GREB1L: variants seen among roughly 807,000 people sequenced by gnomAD.
GREB1L encodes GREB1-like protein.
GREB1L carries 17 observed loss-of-function variants against 200.8 expected under a neutral mutation model. The ratio of observed to expected loss-of-function variants is 0.08; its 90% CI spans 0.06 to 0.13. The LOEUF (loss-of-function observed/expected upper bound fraction) is 0.13, where lower values mean the gene tolerates loss of function less well. Ranked by LOEUF, GREB1L falls within the 10% of genes least tolerant of loss-of-function variation. The pLI, the probability that GREB1L is intolerant of heterozygous loss-of-function variation, is 1.00. For synonymous variants in GREB1L, 789 were observed against 893.0 expected, an observed-to-expected ratio of 0.88 and a Z score of 2.08; for missense variants, 1,657 against 2,367.7, an observed-to-expected ratio of 0.70 and a Z score of 6.23.
At chr18:21,280,386 T>C (rs117413174) in intron 1 of GREB1L, among the ~76,000 whole-genome samples, 99 of 151,958 alleles carry the variant, frequency 6.5e-4, no homozygotes, top group Non-Finnish European at 1.2e-3. Context: ...ATATCTCCTT[T>C]CTTTCTTTTT....
intron 17 of GREB1L, among the ~76,000 whole-genome samples, chr18:21,478,667 T>C (rs905571251): frequency 6.6e-6 from 1 of 152,178 alleles, no homozygotes; most frequent in African/African-American, 2.4e-5. Flanking sequence ...GTTCTATCAC[T>C]AGAGATTACT....
intron 1 of GREB1L, among the ~76,000 whole-genome samples, chr18:21,244,931 A>G (rs1188449874): frequency 6.6e-6 from 1 of 152,192 alleles, no homozygotes; most frequent in African/African-American, 2.4e-5. Flanking sequence ...CTTGAAAGAG[A>G]CTTGACATAA....
intron 1 of GREB1L, among the ~76,000 whole-genome samples, chr18:21,346,791 C>A (rs1466844976): frequency 1.3e-5 from 2 of 152,198 alleles, no homozygotes; most frequent in Non-Finnish European, 2.9e-5. Flanking sequence ...CGTGCTTCTG[C>A]CATCAATGTG....
intron 23 of GREB1L, 90 bp from the exon 24 acceptor site, chr18:21,505,313 CACCCATCTG>C: frequency 9.1e-7 from 1 of 1,102,200 alleles, no homozygotes; most frequent in South Asian, 1.5e-5. Flanking sequence ...TGCCTTTGTC[CACCCATCTG>C]GGCTCTACGT....
chr18:21,477,725 G>A (rs1478076336), intron 17 of GREB1L, among the ~76,000 whole-genome samples: 1 of 151,754 alleles, frequency 6.6e-6, no homozygotes, highest in African/African-American at 2.4e-5. Flanking sequence ...GGCGGAGGTT[G>A]CAGTGAGCGG....
intron 1 of GREB1L, among the ~76,000 whole-genome samples, chr18:21,244,144 T>C (rs1352956360): frequency 2.6e-5 from 4 of 152,186 alleles, no homozygotes; most frequent in Non-Finnish European, 5.9e-5. Context: ...CTAAAAATCT[T>C]AGAACAGTAT....
intron 7 of GREB1L, among the ~76,000 whole-genome samples, chr18:21,414,229 C>A (rs890159610): frequency 6.6e-6 from 1 of 152,116 alleles, no homozygotes; most frequent in East Asian, 1.9e-4. Context: ...ATGAACCGTG[C>A]AGCCACCTAG....
chr18:21,279,158 T>C (rs1276903514), intron 1 of GREB1L, among the ~76,000 whole-genome samples: 4 of 152,120 alleles, frequency 2.6e-5, no homozygotes, highest in Non-Finnish European at 4.4e-5. Context: ...TTTTAGAAAA[T>C]TTGAGAAATA....
rs887496608 is a variant in GREB1L at position 21,525,040 on chromosome 18, A to G, written c.*2219A>G. The G allele has an allele frequency of 6.6e-6, 1 of 150,414 alleles. No homozygotes were observed. The highest frequency in any genetic ancestry group is 2.4e-5 in the African/African-American group (1 of 40,856). 9.3% of individuals were successfully genotyped at this position (150,414 alleles called of 1,614,324 possible). A position where few individuals can be genotyped will look rare whatever the true frequency, so the allele number is the denominator to read the frequency against. ...TATATATATATATCCTAGTGTGTTC[A>G]GCTTTAAGCTTTGCAATCCCTTAGG... On this transcript the variant is annotated 3_prime_UTR_variant, in exon 33 of 33. Coordinates refer to ENST00000424526, the MANE Select transcript of GREB1L (RefSeq NM_001142966.3).
chr18:21,286,083 AG>A lies in GREB1L; in HGVS notation c.-120+43691del, dbSNP rs2038351214. ...ATAACTAGAAAAATTAAATTTTAAAAGACATACAACATACAACTCCCACATT... is the reference window on the plus strand; with the variant it reads ...ATAACTAGAAAAATTAAATTTTAAAAACATACAACATACAACTCCCACATT... On this transcript the variant is annotated intron_variant, in intron 1 of 32. Transcript: ENST00000424526. Among the ~76,000 whole-genome samples, 3 of 152,366 alleles carry A rather than the reference AG, an allele frequency of 2.0e-5. No individual in the cohort carries two copies. The South Asian group carries it at 6.2e-4, about 32-fold the overall frequency.
intron 1 of GREB1L, among the ~76,000 whole-genome samples, chr18:21,315,454 T>A (rs1307311645): frequency 6.6e-6 from 1 of 152,264 alleles, no homozygotes. Context: ...CATCTCAGAG[T>A]ATGTCATAAG....
At chr18:21,509,124 G>A (rs1231633120) in intron 27 of GREB1L, among the ~76,000 whole-genome samples, 3 of 152,232 alleles carry the variant, frequency 2.0e-5, no homozygotes, top group African/African-American at 4.8e-5. Flanking sequence ...GAGTTTAAGA[G>A]CAATGCGCTG....
rs1395779341 is a variant in GREB1L, at chr18:21,496,657, A to G, written c.3350A>G (p.Glu1117Gly). 6.4e-7 allele frequency: 1 copy of G among 1,551,484 alleles called. No individual in the cohort carries two copies. Among genetic ancestry groups the G allele is most frequent in the Non-Finnish European group, 8.7e-7 (1 of 1,146,990 alleles). ...TCCGATGAGCTGCTCATCGACCTGG[A>G]GCGGCCCCAGAGCAACAGCAGCGCT... ...NDSDELLIDL[E>G]RPQSNSSAVT... Residue 1117 changes from glutamate to glycine, a missense_variant, in exon 21 of 33, where the codon GAG (glutamate) becomes GGG (glycine). By Grantham distance (98) the Glu-to-Gly change is moderately conservative. Coordinates refer to ENST00000424526, the MANE Select transcript of GREB1L (RefSeq NM_001142966.3).
chr18:21,493,495 A>T (rs1451224231), intron 19 of GREB1L, among the ~76,000 whole-genome samples: 1 of 152,198 alleles, frequency 6.6e-6, no homozygotes, highest in Non-Finnish European at 1.5e-5. Flanking sequence ...TGTGATGGAA[A>T]AGCATTTTAT....
intron 7 of GREB1L, among the ~76,000 whole-genome samples, chr18:21,419,481 C>G (rs924809950): frequency 7.2e-5 from 11 of 152,128 alleles, no homozygotes; most frequent in African/African-American, 2.7e-4. Flanking sequence ...GAGACAGAGT[C>G]TCAGTCTATC....
At chr18:21,490,630 T>C (rs1483722789) in intron 19 of GREB1L, among the ~76,000 whole-genome samples, 1 of 152,162 alleles carries the variant, frequency 6.6e-6, no homozygotes, top group Admixed American at 6.5e-5. Flanking sequence ...TGACCCCATG[T>C]TTATTGGCCT....
intron 1 of GREB1L, among the ~76,000 whole-genome samples, chr18:21,276,458 A>G (rs1404204995): frequency 3.3e-5 from 5 of 152,126 alleles, no homozygotes; most frequent in African/African-American, 1.2e-4. Context: ...ATCTTACATG[A>G]TTCCAAATAA....
At chr18:21,413,548 A>G (rs1423817935) in intron 7 of GREB1L, among the ~76,000 whole-genome samples, 3 of 152,194 alleles carry the variant, frequency 2.0e-5, no homozygotes, top group Non-Finnish European at 4.4e-5. Flanking sequence ...TTCTAGCCAG[A>G]TACTGAGAAC....
In GREB1L at chr18:21,395,518, C is replaced by T; in HGVS notation, c.489C>T (p.Asp163=). 1.3e-6 allele frequency: 2 copies of T among 1,550,626 alleles called. No homozygotes were observed. The highest frequency in any genetic ancestry group is 1.4e-5 in the African/African-American group (1 of 73,014). The change falls in exon 5 of 33, where the codon GAC becomes GAT. Residue 163 remains aspartate (D), a synonymous_variant. Coordinates refer to ENST00000424526, the MANE Select transcript of GREB1L (RefSeq NM_001142966.3). Reference sequence around the variant, plus strand: ...AACACATCCTAGTTTGTGCTGTGGACAAGCGATTTCTACCAGATGATCATG... The same window carrying T: ...AACACATCCTAGTTTGTGCTGTGGATAAGCGATTTCTACCAGATGATCATG... ...LPEHILVCAV[D]KRFLPDDHGK... is the part of the protein sequence containing the mutation.
Sources: gnomAD v4.1 joint callset for allele counts (sites outside exome capture counted in the v4.1 genomes callset) on GRCh38, gnomAD v4.1.1 for gene constraint, MANE v1.5 for transcripts, NCBI Gene and HGNC (gene_info 2026-07-23, HGNC 2026-07-21) for gene names.